Variants in WWC2 observed in about 807,000 individuals in gnomAD.
WWC2 encodes the protein protein WWC2.
WWC2 carries 101 observed loss-of-function variants against 138.5 expected under a neutral mutation model. The ratio of observed to expected loss-of-function variants is 0.73; its 90% confidence interval spans 0.62 to 0.86. The LOEUF (loss-of-function observed/expected upper bound fraction) is 0.86, where lower values mean the gene tolerates loss of function less well. WWC2 is among the 40% of genes least tolerant of loss of function. The probability of loss-of-function intolerance (pLI) is 0.00; values close to 1 mark genes in which losing one functional copy is unlikely to be tolerated. For synonymous variants in WWC2, 558 were observed against 538.4 expected, an observed-to-expected ratio of 1.04 and a Z score of -0.50; for missense variants, 1,420 against 1,419.4, an observed-to-expected ratio of 1.00 and a Z score of -0.01.
intron 1 of WWC2, among the ~76,000 whole-genome samples, chr4:183,132,517 G>C (rs1047158253): frequency 2.0e-5 from 3 of 150,918 alleles, no homozygotes; most frequent in East Asian, 2.0e-4. Context: ...GCTGTGGCGC[G>C]ATCTCAGCTC....
At chr4:183,205,861 G>A (rs946822053) in intron 2 of WWC2, among the ~76,000 whole-genome samples, 4 of 152,032 alleles carry the variant, frequency 2.6e-5, no homozygotes, top group African/African-American at 9.7e-5. Context: ...GAATTTATCT[G>A]CCTATAGCGT....
intron 1 of WWC2, among the ~76,000 whole-genome samples, chr4:183,168,463 TCAGA>T (rs914534941): frequency 1.3e-5 from 2 of 152,208 alleles, no homozygotes; most frequent in Non-Finnish European, 2.9e-5. Context: ...AAATTGGCAA[TCAGA>T]CAGATTGTTA....
At chr4:183,239,130 C>T (rs546724677) in intron 4 of WWC2, among the ~76,000 whole-genome samples, 2 of 152,208 alleles carry the variant, frequency 1.3e-5, no homozygotes, top group South Asian at 4.1e-4. Context: ...GCCTGGGCAA[C>T]ATGGTCAAAC....
At chr4:183,268,191 G>A (rs1310864282) in intron 14 of WWC2, among the ~76,000 whole-genome samples, 2 of 152,188 alleles carry the variant, frequency 1.3e-5, no homozygotes, top group East Asian at 1.9e-4. Flanking sequence ...AGACAAGCCT[G>A]GAAATGGGGG....
At chr4:183,280,728 T>G (rs1560884076) in intron 16 of WWC2, 48 bp from the exon 17 acceptor site, 1 of 1,547,052 alleles carries the variant, frequency 6.5e-7, no homozygotes, top group Non-Finnish European at 8.7e-7. Flanking sequence ...TTTTAAGTCA[T>G]TTTTTCAAGT....
intron 1 of WWC2, among the ~76,000 whole-genome samples, chr4:183,188,634 T>C (rs1163070283): frequency 7.0e-6 from 1 of 142,896 alleles, no homozygotes; most frequent in Non-Finnish European, 1.5e-5. Flanking sequence ...CTCTCTCTCT[T>C]GCTCCTTTCT....
intron 1 of WWC2, among the ~76,000 whole-genome samples, chr4:183,128,741 A>G (rs1732836725): frequency 6.6e-6 from 1 of 152,170 alleles, no homozygotes; most frequent in Admixed American, 6.5e-5. Context: ...TTATTGAATG[A>G]ATGGATGAAT....
At chr4:183,248,607 TG>T (rs1414104215) in intron 6 of WWC2, 106 bp from the exon 7 acceptor site, 4 of 1,180,290 alleles carry the variant, frequency 3.4e-6, no homozygotes, top group East Asian at 2.6e-5. Context: ...AAAATAAAGT[TG>T]TTTTTTTCCA....
rs943445966 is a variant in WWC2 at position 183,319,375 on chromosome 4, G to A, written c.*3646G>A. 6.0e-6 allele frequency: 4 copies of A among 665,122 alleles called. No individual in the cohort carries two copies. Among genetic ancestry groups the A allele is most frequent in the Non-Finnish European group, 1.0e-5 (4 of 393,126 alleles). 41.2% of individuals were successfully genotyped at this position (665,122 alleles called of 1,614,324 possible). A position where few individuals can be genotyped will look rare whatever the true frequency, so the allele number is the denominator to read the frequency against. ...TACTATTCAGTCTTGATTGATTTTG[G>A]TCTCAGACTAGAAGATAAAAATGGT... On this transcript the variant is annotated 3_prime_UTR_variant, in exon 23 of 23. Transcript: ENST00000403733.
At chr4:183,239,223 G>A (rs1736535051) in intron 4 of WWC2, among the ~76,000 whole-genome samples, 1 of 152,074 alleles carries the variant, frequency 6.6e-6, no homozygotes, top group Non-Finnish European at 1.5e-5. Flanking sequence ...GCTGAGGCAT[G>A]AGAATCGCTT....
intron 11 of WWC2, among the ~76,000 whole-genome samples, chr4:183,263,057 A>G (rs374336990): frequency 2.0e-5 from 3 of 152,226 alleles, no homozygotes; most frequent in African/African-American, 7.2e-5. Flanking sequence ...AGTGATGATG[A>G]TAAGTAATAA....
In WWC2 at chr4:183,319,787, C is replaced by T. The variant is rs377550476; in HGVS notation, c.*4058C>T. 18 of 1,613,874 alleles carry T rather than the reference C, an allele frequency of 1.1e-5. No homozygotes were observed. Among genetic ancestry groups the T allele is most frequent in the South Asian group, 6.6e-5 (6 of 91,068 alleles). On this transcript the variant is annotated 3_prime_UTR_variant, in exon 23 of 23. Transcript: ENST00000403733. ...CGTTCTCATCCCAGAACTCCTGAAC[C>T]GTCTTGTGGGCAACCCAAGAGACGG... is the stretch of plus-strand genomic sequence containing the variant.
At chr4:183,224,585 G>A (rs145756005) in intron 4 of WWC2, among the ~76,000 whole-genome samples, 54 of 141,590 alleles carry the variant, frequency 3.8e-4, no homozygotes, top group African/African-American at 1.5e-3. Context: ...TTTTGAGACG[G>A]AGTCTCGCTC....
chr4:183,129,741 T>C (rs1732865061), intron 1 of WWC2, among the ~76,000 whole-genome samples: 1 of 152,236 alleles, frequency 6.6e-6, no homozygotes, highest in South Asian at 2.1e-4. Flanking sequence ...ACTATGCAGA[T>C]GTCCATGTAC....
intron 2 of WWC2, among the ~76,000 whole-genome samples, chr4:183,199,444 G>A (rs4512039): frequency 0.013 from 2,003 of 152,272 alleles, 48 homozygotes; most frequent in African/African-American, 0.044. Flanking sequence ...ATTGTGTTCT[G>A]CGTACATCTA....
At chr4:183,165,074 TC>T (rs1734094602) in intron 1 of WWC2, among the ~76,000 whole-genome samples, 1 of 152,218 alleles carries the variant, frequency 6.6e-6, no homozygotes, top group Admixed American at 6.5e-5. Flanking sequence ...TCTGTGCATT[TC>T]ACATTCCATT....
At chr4:183,136,559 CGATGGG>C (rs1016548882) in intron 1 of WWC2, among the ~76,000 whole-genome samples, 12 of 152,106 alleles carry the variant, frequency 7.9e-5, no homozygotes, top group African/African-American at 2.9e-4. Flanking sequence ...CTTTGCTTAA[CGATGGG>C]GATACGTTCC....
At chr4:183,217,101 A>G (rs1735781186) in intron 4 of WWC2, among the ~76,000 whole-genome samples, 1 of 152,262 alleles carries the variant, frequency 6.6e-6, no homozygotes, top group South Asian at 2.1e-4. Context: ...AAACATTGAA[A>G]GGATCAAATT....
At chr4:183,283,354 C>T (rs985581683) in intron 18 of WWC2, among the ~76,000 whole-genome samples, 2 of 152,174 alleles carry the variant, frequency 1.3e-5, no homozygotes, top group African/African-American at 4.8e-5. Context: ...GCACAAGTGC[C>T]AACCAAGTTA....
Sources: gnomAD v4.1 joint callset for allele counts (sites outside exome capture counted in the v4.1 genomes callset) on GRCh38, gnomAD v4.1.1 for gene constraint, MANE v1.5 for transcripts, NCBI Gene and HGNC (gene_info 2026-07-23, HGNC 2026-07-21) for gene names.